The following MOSPD1 variants were observed in gnomAD, a reference collection of about 807,000 sequenced individuals.
The protein encoded by MOSPD1 is motile sperm domain containing 1.
Under a neutral mutation model 16.7 loss-of-function variants are expected in MOSPD1, and 5 were observed. The ratio of observed to expected loss-of-function variants is 0.30; its 90% CI spans 0.16 to 0.63. MOSPD1 has a LOEUF of 0.63. MOSPD1 is among the 30% of genes least tolerant of loss of function. The pLI is 0.82. For synonymous variants in MOSPD1, 67 were observed against 59.2 expected (o/e 1.13, Z -0.61); for missense variants, 104 against 153.6 (o/e 0.68, Z 1.71).
chrX:134,912,855 C>T (rs2082979634), intron 1 of MOSPD1, among the ~76,000 whole-genome samples: 1 of 108,212 alleles, frequency 9.2e-6, no homozygotes, highest in South Asian at 4.1e-4. Context: ...AGGAGAATGG[C>T]GTGAACCCAG....
At chrX:134,894,037 A>C in intron 4 of MOSPD1, among the ~76,000 whole-genome samples, 1 of 111,702 alleles carries the variant, frequency 9.0e-6, no homozygotes, top group Non-Finnish European at 1.9e-5. Flanking sequence ...CTAGCATTTT[A>C]TGAAAGTATA....
At chrX:134,898,926 G>A in intron 3 of MOSPD1, 164 bp downstream of exon 3, 4 of 433,232 alleles carry the variant, frequency 9.2e-6, no homozygotes, top group South Asian at 4.6e-5. Context: ...GTATTTGGCC[G>A]AATCTCTTAG....
chrX:134,904,900 C>T (rs1434489827), intron 1 of MOSPD1, among the ~76,000 whole-genome samples: 3 of 109,811 alleles, frequency 2.7e-5, no homozygotes, highest in African/African-American at 9.9e-5. Flanking sequence ...CCCAACTGTC[C>T]ATTAAAAGAG....
At position 134,899,019 on chromosome X, in the gene MOSPD1, T is replaced by C. The variant is rs1037477647; in HGVS notation, c.230+71A>G. On this transcript the variant is annotated intron_variant, in intron 3 of 5. Coordinates refer to ENST00000370783, the MANE Select transcript of MOSPD1 (RefSeq NM_019556.3). ...TGAGAACAGCTTCAAGAAAATATCT[T>C]TTTTTTTCAAGTTAAAAACATAAAT... 55 of 894,804 alleles carry C rather than the reference T, an allele frequency of 6.1e-5. 1 individual carries two copies. In the South Asian group the frequency reaches 7.4e-4, roughly 12 times the overall value. 73.7% of individuals were successfully genotyped at this position (894,804 alleles called of 1,213,427 possible).
chrX:134,896,362 T>G (rs764228231), intron 4 of MOSPD1, among the ~76,000 whole-genome samples: 36 of 111,152 alleles, frequency 3.2e-4, no homozygotes, highest in Non-Finnish European at 6.2e-4. Flanking sequence ...ATTTTTTTTT[T>G]TTTCAAAATA....
chrX:134,909,474 G>C (rs902292459), intron 1 of MOSPD1, among the ~76,000 whole-genome samples: 1 of 111,380 alleles, frequency 9.0e-6, no homozygotes, highest in Admixed American at 9.6e-5. Flanking sequence ...CCACCTTCAG[G>C]TCAGCTCCCT....
intron 4 of MOSPD1, 106 bp downstream of exon 4, chrX:134,896,711 T>A (rs2082886286): frequency 1.7e-6 from 1 of 585,795 alleles, no homozygotes. Context: ...TGACCATGTT[T>A]GAAGTGGTAG....
rs1049499259 is a variant in MOSPD1 at position 134,888,715 on chromosome X, T to C, written c.*446A>G. ...GAAACACCATGGCAACCATTTATAA[T>C]GATAGAGGGCAAGGTATAATTAACA... is the stretch of plus-strand genomic sequence containing the variant. On this transcript the variant is annotated 3_prime_UTR_variant, in exon 6 of 6. Coordinates refer to ENST00000370783, the MANE Select transcript of MOSPD1 (RefSeq NM_019556.3). The C allele has an allele frequency of 8.9e-6, 1 of 112,232 alleles. No homozygotes were observed. The highest frequency in any genetic ancestry group is 3.2e-5 in the African/African-American group (1 of 30,783). The allele number at this position is 112,232 out of a possible 1,213,427, so 9.2% of individuals were successfully genotyped here. A position where few individuals can be genotyped will look rare whatever the true frequency, so the allele number is the denominator to read the frequency against.
chrX:134,895,084 C>T (rs1391442327), intron 4 of MOSPD1, among the ~76,000 whole-genome samples: 1 of 111,498 alleles, frequency 9.0e-6, no homozygotes, highest in African/African-American at 3.3e-5. Context: ...AGGCCAGGTG[C>T]GGGAGCTCAG....
At chrX:134,905,580 T>C (rs1220370734) in intron 1 of MOSPD1, among the ~76,000 whole-genome samples, 2 of 110,140 alleles carry the variant, frequency 1.8e-5, no homozygotes, top group African/African-American at 6.6e-5. Flanking sequence ...AAAAATTAAG[T>C]AACAACTCTA....
At chrX:134,893,698 G>GT (rs1180267819) in intron 4 of MOSPD1, among the ~76,000 whole-genome samples, 16 of 108,346 alleles carry the variant, frequency 1.5e-4, no homozygotes, top group Admixed American at 8.0e-4. Context: ...TTATATAACT[G>GT]TTTTTTTTTC....
intron 1 of MOSPD1, among the ~76,000 whole-genome samples, chrX:134,907,941 T>C (rs1430165357): frequency 8.9e-6 from 1 of 112,151 alleles, no homozygotes; most frequent in African/African-American, 3.2e-5. Flanking sequence ...GCTAATGTTT[T>C]TAAAAAATTT....
At chrX:134,904,192 G>A (rs2082929444) in intron 1 of MOSPD1, among the ~76,000 whole-genome samples, 1 of 112,309 alleles carries the variant, frequency 8.9e-6, no homozygotes, top group South Asian at 3.7e-4. Context: ...ACTTACAAAA[G>A]GATGTTTAAC....
chrX:134,907,408 T>G (rs1603257395), intron 1 of MOSPD1, among the ~76,000 whole-genome samples: 1 of 111,992 alleles, frequency 8.9e-6, no homozygotes, highest in African/African-American at 3.2e-5. Flanking sequence ...TAAAGAAAAA[T>G]CAAGAGACAA....
intron 5 of MOSPD1, among the ~76,000 whole-genome samples, chrX:134,890,139 C>T (rs1056969880): frequency 7.5e-5 from 8 of 107,175 alleles, no homozygotes; most frequent in Non-Finnish European, 1.3e-4. Flanking sequence ...GCAGGCATTT[C>T]AGGTGAGGGA....
intron 1 of MOSPD1, among the ~76,000 whole-genome samples, chrX:134,908,443 T>C (rs945039375): frequency 9.0e-6 from 1 of 111,652 alleles, no homozygotes; most frequent in Non-Finnish European, 1.9e-5. Flanking sequence ...GTTACCTCTC[T>C]TCCCCTCTTC....
intron 1 of MOSPD1, among the ~76,000 whole-genome samples, chrX:134,901,296 C>A (rs971226419): frequency 4.5e-5 from 5 of 111,425 alleles, no homozygotes; most frequent in African/African-American, 1.6e-4. Context: ...ATAAGGATAC[C>A]ATGGTATATA....
chrX:134,904,794 G>A (rs1021347892), intron 1 of MOSPD1, among the ~76,000 whole-genome samples: 6 of 107,050 alleles, frequency 5.6e-5, no homozygotes, highest in Middle Eastern at 1.0e-2. Context: ...CCCGGGAGGC[G>A]GAGGTTGCAG....
Position 134,897,013 on chromosome X carries a change from A to G in MOSPD1, c.252T>C (p.Val84=). 1 of 1,203,460 alleles carries G rather than the reference A, an allele frequency of 8.3e-7. No homozygotes were observed. Among genetic ancestry groups the G allele is most frequent in the Non-Finnish European group, 1.1e-6 (1 of 889,790 alleles). The change falls in exon 4 of 6, where the codon GTT becomes GTC. Residue 84 remains valine (V), a synonymous_variant. Coordinates refer to ENST00000370783, the MANE Select transcript of MOSPD1 (RefSeq NM_019556.3). ...CTATTACACCATAGTGACAGGATCG[A>G]ACATCTCGATGACGAATCACACTGA... is the stretch of plus-strand genomic sequence containing the variant. The part of the protein sequence containing the change: ...CVDIVIRHRD[V]RSCHYGVIDK...
Sources: allele counts gnomAD v4.1 joint callset (sites outside exome capture counted in the v4.1 genomes callset), GRCh38; gene constraint gnomAD v4.1.1; transcripts MANE v1.5; gene names NCBI Gene and HGNC (gene_info 2026-07-23, HGNC 2026-07-21).